Variants in SH3BP5 observed in about 807,000 individuals in gnomAD.
SH3BP5 encodes the protein SH3 domain binding protein 5, also known as SH3 domain-binding protein 5.
Under a neutral mutation model 43.3 loss-of-function variants are expected in SH3BP5, and 22 were observed. The observed-to-expected ratio is 0.51, with a 90% CI of 0.36 to 0.73. The LOEUF (loss-of-function observed/expected upper bound fraction) is 0.73, where lower values mean the gene tolerates loss of function less well. Among genes scored for constraint, SH3BP5 ranks in the 30% least tolerant of loss-of-function variants. SH3BP5 has a pLI of 0.00. For missense variants in SH3BP5, 529 were observed against 586.9 expected (o/e 0.90, Z 1.02); for synonymous variants, 255 against 225.8 (o/e 1.13, Z -1.16).
intron 3 of SH3BP5, among the ~76,000 whole-genome samples, chr3:15,294,114 GAA>G (rs1697493841): frequency 6.9e-6 from 1 of 145,626 alleles, no homozygotes; most frequent in Non-Finnish European, 1.5e-5. Context: ...ACAAGAAAAA[GAA>G]AAGAGTACCA....
chr3:15,298,624 A>C (rs190457437), intron 3 of SH3BP5, among the ~76,000 whole-genome samples: 3 of 152,372 alleles, frequency 2.0e-5, no homozygotes, highest in Admixed American at 2.0e-4. Flanking sequence ...ATTCAGTGAA[A>C]GGAAATTCTG....
At chr3:15,312,602 A>C (rs1430226125) in intron 2 of SH3BP5, among the ~76,000 whole-genome samples, 1 of 152,202 alleles carries the variant, frequency 6.6e-6, no homozygotes, top group African/African-American at 2.4e-5. Context: ...AGAATGAAGC[A>C]GTTGTTGCTT....
chr3:15,330,563 C>T lies in SH3BP5; in HGVS notation c.142G>A (p.Glu48Lys). The T allele has an allele frequency of 6.2e-7, 1 of 1,600,568 alleles. No individual in the cohort carries two copies. The highest frequency in any genetic ancestry group is 8.5e-7 in the Non-Finnish European group (1 of 1,174,224). The change falls in exon 2 of 9, where the codon GAA (glutamate) becomes AAA (lysine). Residue 48 changes from glutamate to lysine, a missense_variant. Transcript: ENST00000383791. ...EEEVDPRIQG[E>K]LEKLNQSTDD... Reference sequence around the variant, plus strand: ...GTGGACTGATTTAACTTCTCCAGTTCTCCCTGGTGAAGAAAAGAGGGAGAA... The same window carrying T: ...GTGGACTGATTTAACTTCTCCAGTTTTCCCTGGTGAAGAAAAGAGGGAGAA...
At chr3:15,309,914 C>T (rs536519308) in intron 2 of SH3BP5, among the ~76,000 whole-genome samples, 2 of 151,302 alleles carry the variant, frequency 1.3e-5, no homozygotes, top group Admixed American at 6.6e-5. Context: ...CCACCCCCCC[C>T]CCATAAGAAA....
At chr3:15,307,149 C>G (rs992899011) in intron 2 of SH3BP5, among the ~76,000 whole-genome samples, 1 of 152,158 alleles carries the variant, frequency 6.6e-6, no homozygotes, top group Non-Finnish European at 1.5e-5. Context: ...CACCTCAGCT[C>G]CCGAGCCTGG....
chr3:15,296,341 TACACACACACAC>T (rs141504303), intron 3 of SH3BP5, among the ~76,000 whole-genome samples: 12 of 146,160 alleles, frequency 8.2e-5, no homozygotes, highest in Non-Finnish European at 1.5e-4. Context: ...GGAAATCATA[TACACACACACAC>T]ACACACACAC....
chr3:15,325,236 A>G (rs1457248579), intron 2 of SH3BP5, among the ~76,000 whole-genome samples: 2 of 152,232 alleles, frequency 1.3e-5, no homozygotes, highest in Admixed American at 6.5e-5. Context: ...AGACCTATAA[A>G]ATAGGCATTT....
intron 7 of SH3BP5, 136 bp from the exon 8 acceptor site, chr3:15,257,249 A>G: frequency 1.1e-6 from 1 of 885,284 alleles, no homozygotes; most frequent in Non-Finnish European, 1.7e-6. Context: ...TAATGAAGGA[A>G]TGTGACTTCC....
intron 2 of SH3BP5, among the ~76,000 whole-genome samples, chr3:15,313,188 G>A (rs914547755): frequency 6.6e-6 from 1 of 152,254 alleles, no homozygotes; most frequent in Non-Finnish European, 1.5e-5. Context: ...TTGAACCTGG[G>A]AGGCAGAGGT....
chr3:15,278,399 C>T (rs1439699790), intron 3 of SH3BP5, among the ~76,000 whole-genome samples: 1 of 152,160 alleles, frequency 6.6e-6, no homozygotes, highest in Middle Eastern at 3.2e-3. Flanking sequence ...TTATTAAAGC[C>T]GTGGTTTTCT....
intron 1 of SH3BP5, chr3:15,331,691 T>C (rs1698613141): frequency 6.6e-6 from 1 of 152,288 alleles, no homozygotes. Flanking sequence ...TTAAGCAATT[T>C]CAAGCCAGGC....
At chr3:15,317,583 G>A (rs1434505254) in intron 2 of SH3BP5, among the ~76,000 whole-genome samples, 1 of 152,028 alleles carries the variant, frequency 6.6e-6, no homozygotes, top group Non-Finnish European at 1.5e-5. Context: ...CTTATCAGGG[G>A]CTCTTTTAAA....
rs539005233 is a variant in SH3BP5 at position 15,277,346 on chromosome 3, G to A, written c.331-7469C>T. Among the ~76,000 whole-genome samples, 216 of 152,254 alleles carry A rather than the reference G, an allele frequency of 1.4e-3. 1 individual carries two copies. The highest frequency in any genetic ancestry group is 4.6e-3 in the African/African-American group (190 of 41,530). ...ACAAAGAAGTACCAGTCAAGGCAGC[G>A]CAGCCTTAGCTCTCCACACAAATCA... is the stretch of plus-strand genomic sequence containing the variant. On this transcript the variant is annotated intron_variant, in intron 3 of 8. Transcript: ENST00000383791.
chr3:15,275,324 A>C lies in SH3BP5; in HGVS notation c.331-5447T>G, dbSNP rs1696932086. Among the ~76,000 whole-genome samples, 7 of 152,256 alleles carry C rather than the reference A, an allele frequency of 4.6e-5. 1 individual carries two copies. The South Asian group carries it at 1.2e-3, about 27-fold the overall frequency. On this transcript the variant is annotated intron_variant, in intron 3 of 8. Transcript: ENST00000383791. ...GTCATCACAAAACACAGGACTTCCA[A>C]AGTCAGAAACCAATCAATTTCACAA...
In SH3BP5 at chr3:15,312,005, C is replaced by T. The variant is rs1698071461; in HGVS notation, c.202-7774G>A. ...TTGTAGTCCAGTGTGCCAGTCACTT[C>T]ACCAGTGGTTCTCAGAGCGTGGTCT... is the stretch of plus-strand genomic sequence containing the variant. On this transcript the variant is annotated intron_variant, in intron 2 of 8. Transcript: ENST00000383791. Among the ~76,000 whole-genome samples the T allele has an allele frequency of 1.3e-5, 2 of 152,114 alleles. 1 individual carries two copies. The highest frequency in any genetic ancestry group is 4.1e-4 in the South Asian group (2 of 4,820).
At position 15,330,329 on chromosome 3, in the gene SH3BP5, G is replaced by C. The variant is rs1173479561; in HGVS notation, c.201+175C>G. On this transcript the variant is annotated intron_variant, in intron 2 of 8. Transcript: ENST00000383791. ...AACATGTGCAATTGGATCCACATGCGTTCCGCCCACAGGTTGAGCTCAGTG... is the reference window on the plus strand; with the variant it reads ...AACATGTGCAATTGGATCCACATGCCTTCCGCCCACAGGTTGAGCTCAGTG... Among the ~76,000 whole-genome samples the C allele has an allele frequency of 2.6e-5, 4 of 152,210 alleles. No homozygotes were observed. The East Asian group carries it at 5.8e-4, about 22-fold the overall frequency.
At chr3:15,326,327 T>C (rs1449331509) in intron 2 of SH3BP5, among the ~76,000 whole-genome samples, 1 of 152,196 alleles carries the variant, frequency 6.6e-6, no homozygotes, top group Non-Finnish European at 1.5e-5. Context: ...GGATGTTAAA[T>C]GTGGGCCTCA....
chr3:15,277,287 A>T (rs1342523952), intron 3 of SH3BP5, among the ~76,000 whole-genome samples: 16 of 152,142 alleles, frequency 1.1e-4, no homozygotes, highest in Admixed American at 9.8e-4. Context: ...CTAAACTTCT[A>T]TTAAACACCA....
At chr3:15,301,776 G>T (rs1697760988) in intron 3 of SH3BP5, among the ~76,000 whole-genome samples, 1 of 152,026 alleles carries the variant, frequency 6.6e-6, no homozygotes, top group African/African-American at 2.4e-5. Context: ...CACAGCCAAG[G>T]GAGTGACCTG....
Sources: allele counts gnomAD v4.1 joint callset (sites outside exome capture counted in the v4.1 genomes callset), GRCh38; gene constraint gnomAD v4.1.1; transcripts MANE v1.5; gene names NCBI Gene and HGNC (gene_info 2026-07-23, HGNC 2026-07-21).